LZTS1: variants seen among roughly 807,000 people sequenced by gnomAD.
LZTS1 encodes leucine zipper tumor suppressor 1, also known as leucine zipper putative tumor suppressor 1.
LZTS1 carries 31 observed loss-of-function variants against 45.8 expected under a neutral mutation model. The observed-to-expected ratio is 0.68, with a 90% CI of 0.51 to 0.91. The LOEUF is 0.91. Among genes scored for constraint, LZTS1 ranks in the 40% least tolerant of loss-of-function variants. The pLI is 0.00. For missense variants in LZTS1, 821 were observed against 788.9 expected (o/e 1.04, Z -0.49); for synonymous variants, 359 against 357.3 (o/e 1.00, Z -0.05).
chr8:20,293,601 A>G (rs1359713588), intron 1 of LZTS1, among the ~76,000 whole-genome samples: 1 of 152,224 alleles, frequency 6.6e-6, no homozygotes, highest in Non-Finnish European at 1.5e-5. Context: ...AGGGCTGGAC[A>G]TGAACCTAGC....
intron 1 of LZTS1, among the ~76,000 whole-genome samples, chr8:20,301,383 T>C (rs1433148290): frequency 6.6e-6 from 1 of 152,136 alleles, no homozygotes; most frequent in Non-Finnish European, 1.5e-5. Context: ...TTAAATGAGA[T>C]AATGAATAAA....
chr8:20,281,432 G>T (rs968641076), intron 1 of LZTS1, among the ~76,000 whole-genome samples: 4 of 151,276 alleles, frequency 2.6e-5, no homozygotes, highest in Non-Finnish European at 4.4e-5. Flanking sequence ...AATTAGCTGC[G>T]CATTGTGGTG....
At chr8:20,286,701 A>C (rs62499992) in intron 1 of LZTS1, among the ~76,000 whole-genome samples, 1 of 152,102 alleles carries the variant, frequency 6.6e-6, no homozygotes, top group African/African-American at 2.4e-5. Context: ...TTTTGTGCGT[A>C]AGAGTCCCAA....
chr8:20,290,762 T>C (rs1463562991), intron 1 of LZTS1, among the ~76,000 whole-genome samples: 1 of 152,216 alleles, frequency 6.6e-6, no homozygotes, highest in Non-Finnish European at 1.5e-5. Context: ...TCCTGACCTT[T>C]TGTGCTACAT....
chr8:20,281,105 AG>A (rs1800683766), intron 1 of LZTS1, among the ~76,000 whole-genome samples: 1 of 152,242 alleles, frequency 6.6e-6, no homozygotes, highest in Non-Finnish European at 1.5e-5. Flanking sequence ...GAATGGTTGA[AG>A]AAAATCATTA....
intron 1 of LZTS1, among the ~76,000 whole-genome samples, chr8:20,264,029 CT>C (rs149669209): frequency 0.018 from 2,798 of 152,278 alleles, 88 homozygotes; most frequent in African/African-American, 0.062. Flanking sequence ...ACTCCCACCC[CT>C]AATCTCTCTC....
chr8:20,252,853 C>G lies in LZTS1; in HGVS notation c.1078G>C (p.Glu360Gln), dbSNP rs150068489. 3.8e-4 allele frequency: 613 copies of G among 1,593,500 alleles called. 1 individual carries two copies. In the African/African-American group the frequency reaches 6.0e-3, roughly 16 times the overall value. Residue 360 changes from glutamate (E) to glutamine (Q), a missense_variant, in exon 3 of 4, where the codon GAG becomes CAG. Glu to Gln is a conservative substitution (Grantham distance 29). Coordinates refer to ENST00000381569, the MANE Select transcript of LZTS1 (RefSeq NM_021020.5). The stretch of plus-strand genomic sequence containing the variant: ...CTCTCGTAGGACCTGAGCTTGGTCT[C>G]CAGCAGGTCCTGCTCCTTCATGAGG... Reference protein sequence around the residue: ...ESLMKEQDLLETKLRSYEREK... With the variant: ...ESLMKEQDLLQTKLRSYEREK...
chr8:20,253,334 G>C lies in LZTS1; in HGVS notation c.597C>G (p.Pro199=). 5 of 1,613,734 alleles carry C rather than the reference G, an allele frequency of 3.1e-6. No individual in the cohort carries two copies. The highest frequency in any genetic ancestry group is 4.2e-6 in the Non-Finnish European group (5 of 1,179,974). Residue 199 remains proline (P), a synonymous_variant, in exon 3 of 4, where the codon CCC becomes CCG. Coordinates refer to ENST00000381569, the MANE Select transcript of LZTS1 (RefSeq NM_021020.5). The part of the protein sequence containing the change: ...SSYQLDPLVT[P]VGPTSRFGGS... ...CCCCAAAACGGCTTGTGGGTCCCAC[G>C]GGTGTGACCAGCGGGTCCAGCTGGT...
intron 1 of LZTS1, among the ~76,000 whole-genome samples, chr8:20,288,172 G>A (rs949026002): frequency 7.9e-5 from 12 of 152,154 alleles, no homozygotes; most frequent in Non-Finnish European, 1.5e-4. Context: ...GCCGAGCAGA[G>A]CTTGTCTTCC....
At chr8:20,278,472 G>A (rs1344764359) in intron 1 of LZTS1, among the ~76,000 whole-genome samples, 1 of 152,112 alleles carries the variant, frequency 6.6e-6, no homozygotes, top group Admixed American at 6.5e-5. Flanking sequence ...CAGGTCAAAG[G>A]TCAAACCGTA....
chr8:20,282,937 T>G (rs1464715954), intron 1 of LZTS1, among the ~76,000 whole-genome samples: 1 of 152,146 alleles, frequency 6.6e-6, no homozygotes, highest in Non-Finnish European at 1.5e-5. Context: ...CACTGGATAT[T>G]TCAAGAATAG....
chr8:20,273,778 G>GTTT (rs796073706), intron 1 of LZTS1, among the ~76,000 whole-genome samples: 1 of 149,940 alleles, frequency 6.7e-6, no homozygotes, highest in African/African-American at 2.5e-5. Flanking sequence ...TGTTATATTT[G>GTTT]TTTTTTTTTT....
intron 1 of LZTS1, among the ~76,000 whole-genome samples, chr8:20,278,681 G>T (rs558585287): frequency 6.6e-6 from 1 of 152,258 alleles, no homozygotes; most frequent in Admixed American, 6.5e-5. Context: ...GGCCTGTATG[G>T]ATTTGCTGCT....
chr8:20,252,895 G>T lies in LZTS1; in HGVS notation c.1036C>A (p.Arg346=). 2 of 1,610,514 alleles carry T rather than the reference G, an allele frequency of 1.2e-6. No homozygotes were observed. Among genetic ancestry groups the T allele is most frequent in the Non-Finnish European group, 1.7e-6 (2 of 1,178,988 alleles). The change falls in exon 3 of 4, where the codon CGG becomes AGG. Residue 346 remains arginine, a synonymous_variant. Transcript: ENST00000381569. ...TTCATGAGGCTCTCGAGCTCCTGCC[G>T]GAGCTGCCGCTTCTCCTGCTGAAGC... ...LQLQQEKRQL[R]QELESLMKEQ...
At chr8:20,263,044 A>G (rs774505212) in intron 1 of LZTS1, among the ~76,000 whole-genome samples, 2 of 152,192 alleles carry the variant, frequency 1.3e-5, no homozygotes, top group Non-Finnish European at 2.9e-5. Flanking sequence ...AACTATTTTG[A>G]AAAGTCCCCA....
intron 1 of LZTS1, among the ~76,000 whole-genome samples, chr8:20,271,498 G>T (rs943640588): frequency 6.6e-6 from 1 of 152,190 alleles, no homozygotes; most frequent in Non-Finnish European, 1.5e-5. Flanking sequence ...AAGGCCAGAG[G>T]TGCTTAAAGA....
rs1259821365 is a variant in LZTS1, at chr8:20,253,228, C to T, written c.703G>A (p.Gly235Arg). 10 of 1,613,844 alleles carry T rather than the reference C, an allele frequency of 6.2e-6. No homozygotes were observed. The highest frequency in any genetic ancestry group is 2.2e-5 in the East Asian group (1 of 44,896). The change falls in exon 3 of 4, where the codon GGA becomes AGA. Residue 235 changes from glycine (G) to arginine (R), a missense_variant. Coordinates refer to ENST00000381569, the MANE Select transcript of LZTS1 (RefSeq NM_021020.5). Reference protein sequence around the residue: ...MSLKALSFSDGGSKLGHSNKA... With the variant: ...MSLKALSFSDRGSKLGHSNKA... ...TTCGAGTGGCCCAGCTTGCTACCTC[C>T]GTCGGAGAAGGACAGAGCCTTCAGG... is the stretch of plus-strand genomic sequence containing the variant.
intron 1 of LZTS1, among the ~76,000 whole-genome samples, chr8:20,272,888 G>C (rs1412148643): frequency 2.0e-5 from 3 of 152,166 alleles, no homozygotes; most frequent in Non-Finnish European, 4.4e-5. Flanking sequence ...ACGTGCACAA[G>C]TCTCCCAATT....
chr8:20,296,946 C>G (rs1279303609), intron 1 of LZTS1, among the ~76,000 whole-genome samples: 1 of 152,194 alleles, frequency 6.6e-6, no homozygotes, highest in Non-Finnish European at 1.5e-5. Context: ...TTGATTAGAT[C>G]AATTAGCTTT....
Sources: allele counts gnomAD v4.1 joint callset (sites outside exome capture counted in the v4.1 genomes callset), GRCh38; gene constraint gnomAD v4.1.1; transcripts MANE v1.5; gene names NCBI Gene and HGNC (gene_info 2026-07-23, HGNC 2026-07-21).